SSX2IP: variants seen among roughly 807,000 people sequenced by gnomAD.
SSX2IP encodes the protein SSX family member 2 interacting protein.
Under a neutral mutation model 84.9 loss-of-function variants are expected in SSX2IP, and 55 were observed. The observed-to-expected ratio is 0.65, with a 90% CI of 0.52 to 0.81. SSX2IP has a LOEUF of 0.81. SSX2IP is among the 30% of genes least tolerant of loss of function. The pLI, the probability that SSX2IP is intolerant of heterozygous loss-of-function variation, is 0.00. For missense variants in SSX2IP, 664 were observed against 705.2 expected (o/e 0.94, Z 0.66); for synonymous variants, 239 against 234.7 (o/e 1.02, Z -0.17).
chr1:84,647,532 T>G lies in SSX2IP; in HGVS notation c.1746A>C (p.Lys582Asn), dbSNP rs1415423548. ...ATCCAGGTCTTGATGCCACACTCCA[T>G]TTTTGATTTGTACATTCTCCTCCAA... ...NQVGGECTNQ[K>N]WSVASRPGSQ... The change falls in exon 14 of 14, where the codon AAA (lysine) becomes AAC (asparagine). Residue 582 changes from lysine to asparagine, a missense_variant. Lys to Asn is a moderately conservative substitution (Grantham distance 94, BLOSUM62 0). Coordinates refer to ENST00000342203, the MANE Select transcript of SSX2IP (RefSeq NM_001166293.2). 5 of 1,613,436 alleles carry G rather than the reference T, an allele frequency of 3.1e-6. No individual in the cohort carries two copies. The African/African-American group carries it at 5.3e-5, about 17-fold the overall frequency.
In SSX2IP at chr1:84,669,691, G is replaced by C; in HGVS notation, c.416C>G (p.Ser139Ter). ...ATCTGCAATTTCTACCTTAAGTTTT[G>C]AGTAGCAGCTCTGTAGATGGTCCAT... Reference protein sequence around the residue: ...SDMDHLQSCYSKLKEQLETSR... With the variant: ...SDMDHLQSCY The change falls in exon 4 of 14, where the codon TCA (serine) becomes TGA (stop). Residue 139 changes from serine to a stop codon, truncating the protein, a stop_gained. Coordinates refer to ENST00000342203, the MANE Select transcript of SSX2IP (RefSeq NM_001166293.2). LOFTEE classifies it high-confidence loss of function. The C allele has an allele frequency of 6.2e-7, 1 of 1,613,042 alleles. No homozygotes were observed.
chr1:84,659,841 C>A (rs574197300), intron 8 of SSX2IP, among the ~76,000 whole-genome samples: 1 of 151,146 alleles, frequency 6.6e-6, no homozygotes, highest in Non-Finnish European at 1.5e-5. Flanking sequence ...TTGCACATTT[C>A]TCAGATTGAA....
intron 9 of SSX2IP, 112 bp downstream of exon 9, chr1:84,658,206 C>T: frequency 8.8e-7 from 1 of 1,141,020 alleles, no homozygotes; most frequent in Non-Finnish European, 1.2e-6. Context: ...AACCACCAAA[C>T]TGAAGTATAG....
intron 1 of SSX2IP, among the ~76,000 whole-genome samples, chr1:84,676,279 CGGTA>C (rs993127999): frequency 1.3e-5 from 2 of 152,098 alleles, no homozygotes; most frequent in African/African-American, 4.8e-5. Flanking sequence ...TGTTCATTAG[CGGTA>C]GGTAACACGT....
chr1:84,678,042 C>T (rs1654610105), intron 1 of SSX2IP, among the ~76,000 whole-genome samples: 1 of 152,154 alleles, frequency 6.6e-6, no homozygotes, highest in Admixed American at 6.5e-5. Context: ...ACATAAATTT[C>T]TTGAGAAATT....
chr1:84,682,823 A>G (rs1033399331), intron 1 of SSX2IP, among the ~76,000 whole-genome samples: 2 of 152,130 alleles, frequency 1.3e-5, no homozygotes, highest in African/African-American at 4.8e-5. Context: ...TTTTATAACA[A>G]TGTGCACACA....
chr1:84,671,395 G>A, intron 1 of SSX2IP, 87 bp from the exon 2 acceptor site: 2 of 1,178,840 alleles, frequency 1.7e-6, no homozygotes. Context: ...AGTTGTATGT[G>A]CTTCAAAACA....
intron 1 of SSX2IP, among the ~76,000 whole-genome samples, chr1:84,683,578 T>C (rs946275965): frequency 6.6e-6 from 1 of 152,186 alleles, no homozygotes; most frequent in African/African-American, 2.4e-5. Flanking sequence ...GAGTTCTCAT[T>C]TGGCAGGCTT....
chr1:84,667,037 G>C (rs77721013), intron 4 of SSX2IP, among the ~76,000 whole-genome samples: 16 of 152,192 alleles, frequency 1.1e-4, no homozygotes, highest in African/African-American at 3.6e-4. Flanking sequence ...ATAACTCTAA[G>C]GTTGTCAGTT....
chr1:84,673,705 G>A (rs1653902538), intron 1 of SSX2IP, among the ~76,000 whole-genome samples: 1 of 152,168 alleles, frequency 6.6e-6, no homozygotes, highest in East Asian at 1.9e-4. Context: ...TTAGGGATGT[G>A]TTCTGGAGAC....
chr1:84,679,645 A>G (rs1049619349), intron 1 of SSX2IP, among the ~76,000 whole-genome samples: 1 of 152,188 alleles, frequency 6.6e-6, no homozygotes, highest in African/African-American at 2.4e-5. Flanking sequence ...TCACCTTAAA[A>G]TGGGGTGATG....
intron 1 of SSX2IP, among the ~76,000 whole-genome samples, chr1:84,671,650 T>C (rs892223457): frequency 1.3e-5 from 2 of 152,204 alleles, no homozygotes; most frequent in Non-Finnish European, 2.9e-5. Flanking sequence ...ATTATATAGA[T>C]AAGATGATGA....
intron 1 of SSX2IP, among the ~76,000 whole-genome samples, chr1:84,673,937 C>A (rs1457798528): frequency 6.6e-6 from 1 of 152,110 alleles, no homozygotes; most frequent in African/African-American, 2.4e-5. Context: ...GGAAGGGCAC[C>A]TTGAACTATT....
intron 4 of SSX2IP, among the ~76,000 whole-genome samples, chr1:84,668,570 C>G (rs1653079138): frequency 6.6e-6 from 1 of 152,158 alleles, no homozygotes; most frequent in African/African-American, 2.4e-5. Context: ...GGATGGTAGG[C>G]ACAGGTGCTC....
intron 8 of SSX2IP, 137 bp downstream of exon 8, chr1:84,662,061 A>G (rs1652066433): frequency 1.7e-6 from 1 of 594,768 alleles, no homozygotes; most frequent in South Asian, 2.6e-5. Flanking sequence ...CAGTTGTCAC[A>G]GTAATTGAAA....
At chr1:84,652,067 G>A in intron 11 of SSX2IP, 70 bp from the exon 12 acceptor site, 1 of 1,120,884 alleles carries the variant, frequency 8.9e-7, no homozygotes, top group Non-Finnish European at 1.4e-6. Flanking sequence ...TCACATGATT[G>A]CTCTAGCTAT....
At chr1:84,669,147 C>A (rs1570658418) in intron 4 of SSX2IP, among the ~76,000 whole-genome samples, 1 of 142,842 alleles carries the variant, frequency 7.0e-6, no homozygotes, top group African/African-American at 2.6e-5. Flanking sequence ...TTAGTAGGTT[C>A]AATGGTCCTG....
Position 84,646,656 on chromosome 1 carries a change from A to G in SSX2IP, c.*777T>C, listed in dbSNP as rs1001008938. The G allele has an allele frequency of 2.0e-5, 3 of 152,578 alleles. No individual in the cohort carries two copies. Among genetic ancestry groups the G allele is most frequent in the African/African-American group, 4.8e-5 (2 of 41,450 alleles). 9.5% of individuals were successfully genotyped at this position (152,578 alleles called of 1,614,324 possible). The stretch of plus-strand genomic sequence containing the variant: ...ATCATCAATAGTCCTTTTAAAAATT[A>G]TAATATTCTACATATACAAAATAAA... On this transcript the variant is annotated 3_prime_UTR_variant, in exon 14 of 14. Coordinates refer to ENST00000342203, the MANE Select transcript of SSX2IP (RefSeq NM_001166293.2).
At chr1:84,652,296 G>A in intron 11 of SSX2IP, 1 of 256,594 alleles carries the variant, frequency 3.9e-6, no homozygotes, top group Non-Finnish European at 7.8e-6. Context: ...GGTGGCACAG[G>A]ACTACAGTCT....
Sources: gnomAD v4.1 joint callset for allele counts (sites outside exome capture counted in the v4.1 genomes callset) on GRCh38, gnomAD v4.1.1 for gene constraint, MANE v1.5 for transcripts, NCBI Gene and HGNC (gene_info 2026-07-23, HGNC 2026-07-21) for gene names.